Variants in ASTN1 observed in about 807,000 individuals in gnomAD.
ASTN1 encodes astrotactin 1, also known as astrotactin-1.
ASTN1 carries 41 observed loss-of-function variants against 140.7 expected under a neutral mutation model. That is an observed-to-expected ratio of 0.29 (90% confidence interval 0.23 to 0.38). The LOEUF (loss-of-function observed/expected upper bound fraction) is 0.38. Ranked by LOEUF, ASTN1 falls within the 10% of genes least tolerant of loss-of-function variation. The pLI, the probability that ASTN1 is intolerant of heterozygous loss-of-function variation, is 1.00. For synonymous variants in ASTN1, 640 were observed against 652.2 expected (o/e 0.98, Z 0.29); for missense variants, 1,479 against 1,678.8 (o/e 0.88, Z 2.08).
chr1:176,926,453 T>C (rs1670974920), intron 16 of ASTN1, among the ~76,000 whole-genome samples: 1 of 152,128 alleles, frequency 6.6e-6, no homozygotes, highest in Admixed American at 6.6e-5. Flanking sequence ...CTTTAGAGTG[T>C]CTTAGGGAGG....
chr1:177,014,727 C>T (rs1009247909), intron 8 of ASTN1, 64 bp downstream of exon 8: 40 of 1,455,296 alleles, frequency 2.7e-5, no homozygotes, highest in Middle Eastern at 1.7e-4. Flanking sequence ...AGTTGCTCCA[C>T]GTCATGTCTG....
At chr1:177,030,561 A>C (rs569863125) in intron 4 of ASTN1, among the ~76,000 whole-genome samples, 1 of 152,334 alleles carries the variant, frequency 6.6e-6, no homozygotes, top group Non-Finnish European at 1.5e-5. Flanking sequence ...GGCCTTTTAC[A>C]CACTTCTTTG....
At chr1:176,867,559 T>C (rs896692375) in intron 22 of ASTN1, among the ~76,000 whole-genome samples, 2 of 152,238 alleles carry the variant, frequency 1.3e-5, no homozygotes, top group Non-Finnish European at 2.9e-5. Flanking sequence ...TTTTTCTCTC[T>C]GGTCTGTAGT....
intron 8 of ASTN1, among the ~76,000 whole-genome samples, chr1:176,998,410 A>G (rs935809697): frequency 6.6e-6 from 1 of 152,130 alleles, no homozygotes; most frequent in Non-Finnish European, 1.5e-5. Context: ...TATACAGACC[A>G]TGAGGCACCC....
chr1:177,065,312 C>G (rs1678302161), intron 1 of ASTN1, among the ~76,000 whole-genome samples: 1 of 152,126 alleles, frequency 6.6e-6, no homozygotes, highest in Non-Finnish European at 1.5e-5. Flanking sequence ...CCCTCAGCAC[C>G]CCCTAAATGT....
chr1:177,139,779 G>A (rs1318945165), intron 1 of ASTN1, among the ~76,000 whole-genome samples: 1 of 151,928 alleles, frequency 6.6e-6, no homozygotes, highest in African/African-American at 2.4e-5. Flanking sequence ...TTTCTTCCAG[G>A]GGCCCCACAG....
rs200441299 is a variant in ASTN1, at chr1:176,949,173, A to C, written c.2054+12T>G. The C allele has an allele frequency of 1.9e-6, 3 of 1,613,364 alleles. No individual in the cohort carries two copies. In the East Asian group the frequency reaches 6.7e-5, roughly 36 times the overall value. On this transcript the variant is annotated intron_variant, in intron 12 of 22. Transcript: ENST00000361833. ...ATGGACGCCAGGTGGCCTCGCTGGCAGCTCAACTCACCCACAGAACATGAG... is the reference window on the plus strand; with the variant it reads ...ATGGACGCCAGGTGGCCTCGCTGGCCGCTCAACTCACCCACAGAACATGAG...
intron 1 of ASTN1, among the ~76,000 whole-genome samples, chr1:177,162,856 C>T (rs1372852303): frequency 6.6e-6 from 1 of 152,180 alleles, no homozygotes; most frequent in Non-Finnish European, 1.5e-5. Context: ...ACAATGCTCC[C>T]ATTTCCAGCT....
chr1:176,979,960 A>G (rs1673537227), intron 8 of ASTN1, among the ~76,000 whole-genome samples: 1 of 152,210 alleles, frequency 6.6e-6, no homozygotes, highest in African/African-American at 2.4e-5. Context: ...AACTGGTGAC[A>G]AAATTAAAGA....
At chr1:177,016,313 T>TAAA (rs35104433) in intron 7 of ASTN1, among the ~76,000 whole-genome samples, 9 of 127,114 alleles carry the variant, frequency 7.1e-5, no homozygotes, top group Non-Finnish European at 1.1e-4. Context: ...TCTTCATTTG[T>TAAA]AAAAAAAAAA....
Position 177,122,098 on chromosome 1 carries a change from G to T in ASTN1, c.283+42296C>A, listed in dbSNP as rs538699560. Among the ~76,000 whole-genome samples the T allele has an allele frequency of 3.3e-5, 5 of 152,268 alleles. No individual in the cohort carries two copies. In the South Asian group the frequency reaches 1.0e-3, roughly 32 times the overall value. On this transcript the variant is annotated intron_variant, in intron 1 of 22. Coordinates refer to ENST00000361833, the MANE Select transcript of ASTN1 (RefSeq NM_004319.3). The stretch of plus-strand genomic sequence containing the variant: ...TATTGGGTTAAAAAAGAGATCGATG[G>T]GGACCCTACTGTTACCTGCCAAATC...
At chr1:176,900,198 T>C (rs1192812440) in intron 16 of ASTN1, among the ~76,000 whole-genome samples, 5 of 152,222 alleles carry the variant, frequency 3.3e-5, no homozygotes, top group Non-Finnish European at 1.5e-5. Flanking sequence ...GAAAGCATTA[T>C]TCTGATGACA....
intron 12 of ASTN1, among the ~76,000 whole-genome samples, chr1:176,947,669 AGT>A (rs1450732721): frequency 2.0e-5 from 3 of 152,204 alleles, no homozygotes; most frequent in Non-Finnish European, 2.9e-5. Context: ...GCAATAGCAC[AGT>A]GTTTCTAGGA....
At chr1:176,945,044 C>T (rs1195098112) in intron 13 of ASTN1, among the ~76,000 whole-genome samples, 1 of 152,154 alleles carries the variant, frequency 6.6e-6, no homozygotes, top group Non-Finnish European at 1.5e-5. Flanking sequence ...CCTCCTCTTC[C>T]TCCTCTTCCT....
intron 1 of ASTN1, among the ~76,000 whole-genome samples, chr1:177,072,411 G>A (rs1204956039): frequency 6.6e-6 from 1 of 152,066 alleles, no homozygotes; most frequent in Non-Finnish European, 1.5e-5. Context: ...ACTGCCTTGG[G>A]CCCATTTCTG....
intron 8 of ASTN1, among the ~76,000 whole-genome samples, chr1:176,968,328 C>A (rs1333566183): frequency 6.6e-6 from 1 of 152,190 alleles, no homozygotes; most frequent in African/African-American, 2.4e-5. Flanking sequence ...GAGTGTTTCC[C>A]AAATTTCAAT....
intron 1 of ASTN1, among the ~76,000 whole-genome samples, chr1:177,065,732 A>T (rs941186736): frequency 2.0e-5 from 3 of 152,212 alleles, no homozygotes; most frequent in African/African-American, 4.8e-5. Context: ...GATTGGTGAC[A>T]ACTGTGAACG....
At chr1:176,985,845 T>TACACAC (rs60769752) in intron 8 of ASTN1, among the ~76,000 whole-genome samples, 1,477 of 129,712 alleles carry the variant, frequency 0.011, 17 homozygotes, top group Middle Eastern at 0.023. Flanking sequence ...TCTCTCTCTC[T>TACACAC]ACACACACAC....
chr1:177,013,896 G>A (rs1242396892), intron 8 of ASTN1, among the ~76,000 whole-genome samples: 1 of 152,096 alleles, frequency 6.6e-6, no homozygotes, highest in Non-Finnish European at 1.5e-5. Context: ...AAAAGTAATA[G>A]AGGGCAGGGC....
Sources: gnomAD v4.1 joint callset for allele counts (sites outside exome capture counted in the v4.1 genomes callset) on GRCh38, gnomAD v4.1.1 for gene constraint, MANE v1.5 for transcripts, NCBI Gene and HGNC (gene_info 2026-07-23, HGNC 2026-07-21) for gene names.